The following PROCR variants were observed in gnomAD, a reference collection of about 807,000 sequenced individuals.
The protein encoded by PROCR is protein C receptor, also known as endothelial protein C receptor.
A neutral mutation model predicts 24.2 loss-of-function variants in PROCR; 22 were observed. That is an observed-to-expected ratio of 0.91 (90% CI 0.65 to 1.30). PROCR has a LOEUF of 1.30. Ranked by LOEUF, PROCR falls within the 50% of genes most tolerant of loss-of-function variation. The probability of loss-of-function intolerance (pLI) is 0.00; values close to 1 mark genes in which losing one functional copy is unlikely to be tolerated. For missense variants in PROCR, 288 were observed against 307.7 expected (o/e 0.94, Z 0.48); for synonymous variants, 137 against 139.2 (o/e 0.98, Z 0.11).
intron 1 of PROCR, among the ~76,000 whole-genome samples, chr20:35,208,852 A>G (rs1351093274): frequency 5.9e-5 from 9 of 152,126 alleles, no homozygotes; most frequent in Non-Finnish European, 5.9e-5. Flanking sequence ...CGCACCTGTA[A>G]TACCAGCTAC....
intron 1 of PROCR, among the ~76,000 whole-genome samples, chr20:35,211,199 A>G (rs2060361657): frequency 6.6e-6 from 1 of 152,142 alleles, no homozygotes; most frequent in African/African-American, 2.4e-5. Flanking sequence ...TGCATACCCC[A>G]TTTGAAAACC....
At chr20:35,174,500 TA>T in intron 1 of PROCR, 1 of 674,006 alleles carries the variant, frequency 1.5e-6, no homozygotes, top group Non-Finnish European at 2.6e-6. Flanking sequence ...TCCTCATCTG[TA>T]AAACGGAGAT....
intron 1 of PROCR, chr20:35,202,431 G>T (rs1238411034): frequency 6.7e-6 from 1 of 150,028 alleles, no homozygotes; most frequent in Non-Finnish European, 1.5e-5. Flanking sequence ...TCCAGTCCAG[G>T]TGGTAGAGCA....
At chr20:35,208,455 G>A (rs2060349966) in intron 1 of PROCR, among the ~76,000 whole-genome samples, 1 of 152,194 alleles carries the variant, frequency 6.6e-6, no homozygotes, top group Non-Finnish European at 1.5e-5. Flanking sequence ...AAGGGAAGGA[G>A]ACTTAACCCT....
chr20:35,205,272 C>CAAT (rs74173939), intron 1 of PROCR, among the ~76,000 whole-genome samples: 21 of 147,194 alleles, frequency 1.4e-4, no homozygotes, highest in South Asian at 6.5e-4. Context: ...GACTCCATCT[C>CAAT]AATAATAATA....
chr20:35,179,406 C>T (rs573943588), downstream of PROCR, among the ~76,000 whole-genome samples: 1 of 151,648 alleles, frequency 6.6e-6, no homozygotes, highest in African/African-American at 2.4e-5. Flanking sequence ...ATTAGCTGGG[C>T]ATGGTGGTGT....
chr20:35,205,781 A>G (rs1313788395), intron 1 of PROCR, among the ~76,000 whole-genome samples: 57 of 136,502 alleles, frequency 4.2e-4, no homozygotes, highest in Middle Eastern at 3.8e-3. Flanking sequence ...ATATATATAT[A>G]TATATATGTA....
At chr20:35,182,726 A>G (rs571894090) in intron 1 of PROCR, among the ~76,000 whole-genome samples, 1 of 152,334 alleles carries the variant, frequency 6.6e-6, no homozygotes, top group African/African-American at 2.4e-5. Context: ...CTGTAATCCC[A>G]GCACTTTGGG....
At chr20:35,193,731 A>G (rs530730422) in intron 1 of PROCR, among the ~76,000 whole-genome samples, 1 of 152,340 alleles carries the variant, frequency 6.6e-6, no homozygotes, top group South Asian at 2.1e-4. Flanking sequence ...TACATTTGAT[A>G]TTTATTAGAC....
At chr20:35,171,673 C>T (rs2085951643), upstream of PROCR, among the ~76,000 whole-genome samples, 1 of 152,176 alleles carries the variant, frequency 6.6e-6, no homozygotes, top group South Asian at 2.1e-4. Context: ...TCTGTCACCA[C>T]CATGATATAT....
intron 1 of PROCR, among the ~76,000 whole-genome samples, chr20:35,210,584 G>T (rs907270926): frequency 2.0e-5 from 3 of 152,070 alleles, no homozygotes; most frequent in Non-Finnish European, 4.4e-5. Flanking sequence ...ATTTTTAAAA[G>T]ATAATAGAAG....
In PROCR at chr20:35,176,251, AAT is replaced by A. The variant is rs2086015671; in HGVS notation, c.407_408del (p.Asn136ArgfsTer41). 1 of 1,614,076 alleles carries A rather than the reference AAT, an allele frequency of 6.2e-7. No individual in the cohort carries two copies. Among genetic ancestry groups the A allele is most frequent in the Non-Finnish European group, 8.5e-7 (1 of 1,180,024 alleles). The stretch of plus-strand genomic sequence containing the variant: ...CCATGTCTTCTTCGAAGTGGCTGTG[AAT>A]GGGAGCTCCTTTGTGAGTTTCCGGC... ...RAHVFFEVAV[N>X]GSSFVSFRPE... On this transcript the variant is annotated frameshift_variant, in exon 3 of 4. Transcript: ENST00000216968. LOFTEE classifies it high-confidence loss of function.
In PROCR at chr20:35,195,820, C is replaced by CAA. The variant is rs58205912; in HGVS notation, c.94+19390_94+19391dup. On this transcript the variant is annotated intron_variant, in intron 1 of 1. Coordinates refer to the PROCR transcript ENST00000634509. ...TGAGTGACAGAGCAAGAGTCTGTCT[C>CAA]AAAAAAAAAAAAAAAAAGAAAAAGA... is the stretch of plus-strand genomic sequence containing the variant. 3.2e-4 allele frequency among the ~76,000 whole-genome samples: 25 copies of CAA among 77,546 alleles called. 1 individual carries two copies. Among genetic ancestry groups the CAA allele is most frequent in the African/African-American group, 8.9e-4 (22 of 24,728 alleles). The allele number at this position is 77,546 out of a possible 152,430, so 50.9% of individuals were successfully genotyped here.
In PROCR at chr20:35,204,659, G is replaced by A. The variant is rs113316406; in HGVS notation, c.95-11234G>A. Among the ~76,000 whole-genome samples, 160 of 151,982 alleles carry A rather than the reference G, an allele frequency of 1.1e-3. 1 individual carries two copies. Among genetic ancestry groups the A allele is most frequent in the African/African-American group, 3.1e-3 (127 of 41,466 alleles). On this transcript the variant is annotated intron_variant, in intron 1 of 1. Coordinates refer to the PROCR transcript ENST00000634509. ...CAAAGTGCTGGGATTACAGGCATGC[G>A]CCACCATGCCTGGCCCCCAAATGGT...
At chr20:35,193,443 G>A (rs2086190933) in intron 1 of PROCR, among the ~76,000 whole-genome samples, 1 of 152,102 alleles carries the variant, frequency 6.6e-6, no homozygotes, top group African/African-American at 2.4e-5. Context: ...CAGAGTGCTG[G>A]GATTACAGGC....
intron 1 of PROCR, among the ~76,000 whole-genome samples, chr20:35,194,848 A>G (rs1190537957): frequency 6.6e-6 from 1 of 152,230 alleles, no homozygotes; most frequent in Non-Finnish European, 1.5e-5. Context: ...GCCTGCTAAA[A>G]TAAACTAGTC....
chr20:35,175,759 T>G (rs1397372152), intron 2 of PROCR, among the ~76,000 whole-genome samples: 1 of 151,656 alleles, frequency 6.6e-6, no homozygotes, highest in Non-Finnish European at 1.5e-5. Flanking sequence ...TAATTTTTTG[T>G]ATTTTTAGTA....
downstream of PROCR, among the ~76,000 whole-genome samples, chr20:35,178,275 G>A (rs145950324): frequency 2.7e-5 from 4 of 150,732 alleles, no homozygotes; most frequent in Admixed American, 6.6e-5. Context: ...TTGGTGGCAC[G>A]CGCCTGTAAT....
At position 35,176,552 on chromosome 20, in the gene PROCR, TG is replaced by T. The variant is rs766824870; in HGVS notation, c.601+111del. The T allele has an allele frequency of 7.7e-4, 1,230 of 1,597,046 alleles. 5 individuals are homozygous for T. Among genetic ancestry groups the T allele is most frequent in the Admixed American group, 1.9e-3 (111 of 57,600 alleles). On this transcript the variant is annotated intron_variant, in intron 3 of 3. Transcript: ENST00000216968. ...CCTAGAGCAACAAGAGGCCCACAGC[TG>T]GGGGTTTGGGACAGAACACACGCAG...
Sources: gnomAD v4.1 joint callset for allele counts (sites outside exome capture counted in the v4.1 genomes callset) on GRCh38, gnomAD v4.1.1 for gene constraint, MANE v1.5 for transcripts, NCBI Gene and HGNC (gene_info 2026-07-23, HGNC 2026-07-21) for gene names.